The following CDKAL1 variants were observed in gnomAD, a reference collection of about 807,000 sequenced individuals.
CDKAL1 encodes CDKAL1 threonylcarbamoyladenosine tRNA methylthiotransferase.
CDKAL1 carries 32 observed loss-of-function variants against 68.2 expected under a neutral mutation model. The observed-to-expected ratio is 0.47, with a 90% CI of 0.35 to 0.63. CDKAL1 has a LOEUF of 0.63. CDKAL1 is among the 30% of genes least tolerant of loss of function. The pLI is 0.00. For synonymous variants in CDKAL1, 234 were observed against 244.3 expected, an observed-to-expected ratio of 0.96 and a Z score of 0.39; for missense variants, 606 against 696.7, an observed-to-expected ratio of 0.87 and a Z score of 1.47.
intron 13 of CDKAL1, among the ~76,000 whole-genome samples, chr6:21,158,060 A>C (rs1305364423): frequency 6.6e-6 from 1 of 152,220 alleles, no homozygotes; most frequent in Non-Finnish European, 1.5e-5. Flanking sequence ...TTAGGCCAAC[A>C]GACAAGTTAT....
intron 9 of CDKAL1, among the ~76,000 whole-genome samples, chr6:20,941,102 A>G (rs1763953854): frequency 6.6e-6 from 1 of 151,870 alleles, no homozygotes; most frequent in Admixed American, 6.6e-5. Flanking sequence ...AAAAGAAAAA[A>G]AAAAAAAAGC....
intron 11 of CDKAL1, among the ~76,000 whole-genome samples, chr6:21,008,587 T>C (rs1253277758): frequency 1.3e-5 from 2 of 152,190 alleles, no homozygotes; most frequent in Non-Finnish European, 2.9e-5. Context: ...ATTGCTTTCT[T>C]TTCCAAATTT....
chr6:20,620,689 C>T (rs954473746), intron 4 of CDKAL1, among the ~76,000 whole-genome samples: 2 of 151,728 alleles, frequency 1.3e-5, no homozygotes, highest in Non-Finnish European at 2.9e-5. Flanking sequence ...TGTCTAACAC[C>T]GAATTTTTTT....
intron 8 of CDKAL1, among the ~76,000 whole-genome samples, chr6:20,838,801 C>T (rs182778948): frequency 2.6e-5 from 4 of 151,936 alleles, no homozygotes; most frequent in Admixed American, 6.6e-5. Context: ...GGTGAAACCC[C>T]GTCTCTATTA....
At chr6:21,041,274 C>T (rs921893549) in intron 11 of CDKAL1, among the ~76,000 whole-genome samples, 1 of 152,052 alleles carries the variant, frequency 6.6e-6, no homozygotes, top group Admixed American at 6.5e-5. Context: ...GGTAACCTGC[C>T]GTTATGTTAG....
chr6:21,068,621 A>AC (rs1324362514), intron 12 of CDKAL1, among the ~76,000 whole-genome samples: 2 of 152,184 alleles, frequency 1.3e-5, no homozygotes, highest in Admixed American at 6.5e-5. Flanking sequence ...ACACAGGTTA[A>AC]CTACCATAGC....
chr6:21,096,562 A>G (rs1773326823), intron 12 of CDKAL1, among the ~76,000 whole-genome samples: 1 of 152,210 alleles, frequency 6.6e-6, no homozygotes, highest in South Asian at 2.1e-4. Context: ...CATTTATTTT[A>G]TCCAGTTGCA....
At chr6:20,876,370 C>T (rs951173695) in intron 9 of CDKAL1, among the ~76,000 whole-genome samples, 5 of 152,198 alleles carry the variant, frequency 3.3e-5, no homozygotes, top group African/African-American at 4.8e-5. Flanking sequence ...CTGCTTGCTG[C>T]TAACATGACA....
rs910603727 is a variant in CDKAL1, at chr6:20,743,570, A to G, written c.468+3955A>G. On this transcript the variant is annotated intron_variant, in intron 6 of 15. Coordinates refer to ENST00000274695, the MANE Select transcript of CDKAL1 (RefSeq NM_017774.3). ...GTAGGAATGGGGCATTTAGTTTAGT[A>G]ATCAGAACAAGGCAGTGTGGTGAGA... Among the ~76,000 whole-genome samples the G allele has an allele frequency of 8.5e-5, 13 of 152,192 alleles. 1 individual carries two copies. Among genetic ancestry groups the G allele is most frequent in the South Asian group, 6.2e-4 (3 of 4,828 alleles).
At chr6:20,850,730 C>T (rs1758962098) in intron 9 of CDKAL1, among the ~76,000 whole-genome samples, 2 of 152,032 alleles carry the variant, frequency 1.3e-5, no homozygotes, top group African/African-American at 4.8e-5. Context: ...GATTATGAGA[C>T]ATTTTATATT....
intron 9 of CDKAL1, among the ~76,000 whole-genome samples, chr6:20,890,005 C>T (rs1018077074): frequency 6.6e-6 from 1 of 152,096 alleles, no homozygotes; most frequent in African/African-American, 2.4e-5. Context: ...CCTCCTGCCT[C>T]GGCCCCCCAA....
chr6:20,684,628 T>C (rs1770535228), intron 5 of CDKAL1, among the ~76,000 whole-genome samples: 1 of 152,238 alleles, frequency 6.6e-6, no homozygotes, highest in Non-Finnish European at 1.5e-5. Context: ...TCATTTTGCA[T>C]TTGTATCCAC....
chr6:20,576,938 A>G (rs575758312), intron 4 of CDKAL1, among the ~76,000 whole-genome samples: 2 of 152,304 alleles, frequency 1.3e-5, no homozygotes, highest in South Asian at 4.1e-4. Context: ...TTTACTGTGT[A>G]TGTCTAAAAT....
intron 4 of CDKAL1, among the ~76,000 whole-genome samples, chr6:20,568,745 A>AAAC (rs1554152120): frequency 2.9e-5 from 3 of 102,910 alleles, no homozygotes; most frequent in African/African-American, 9.4e-5. Flanking sequence ...AAAAAAAAAA[A>AAAC]AAAAACAAAA....
At chr6:20,721,243 A>T (rs1409877822) in intron 5 of CDKAL1, among the ~76,000 whole-genome samples, 3 of 152,122 alleles carry the variant, frequency 2.0e-5, no homozygotes. Flanking sequence ...TAGTTTGCTA[A>T]GAATGATGGT....
At chr6:20,800,558 C>G (rs1776324703) in intron 8 of CDKAL1, 1 of 152,328 alleles carries the variant, frequency 6.6e-6, no homozygotes, top group Non-Finnish European at 1.5e-5. Context: ...CTTCTAAACT[C>G]TCATGCCCAG....
intron 9 of CDKAL1, among the ~76,000 whole-genome samples, chr6:20,908,011 G>C (rs1354870444): frequency 6.6e-6 from 1 of 152,178 alleles, no homozygotes; most frequent in Non-Finnish European, 1.5e-5. Flanking sequence ...CATTCAGAGA[G>C]CACTGGCTGC....
In CDKAL1 at chr6:20,534,501, A is replaced by C. The variant is rs762847250; in HGVS notation, c.-123A>C. The C allele has an allele frequency of 4.6e-5, 7 of 152,694 alleles. No individual in the cohort carries two copies. Among genetic ancestry groups the C allele is most frequent in the Admixed American group, 6.6e-5 (1 of 15,264 alleles). The allele number at this position is 152,694 out of a possible 1,614,324, so 9.5% of individuals were successfully genotyped here. A position where few individuals can be genotyped will look rare whatever the true frequency, so the allele number is the denominator to read the frequency against. The stretch of plus-strand genomic sequence containing the variant: ...TATGTGTCATGGCGCTCTCCATCTA[A>C]AGTCTGTGCAGCTTCCGGAGAGTGG... On this transcript the variant is annotated 5_prime_UTR_variant, in exon 1 of 16. The change abolishes the stop of an existing upstream ORF in the 5' untranslated region. Coordinates refer to ENST00000274695, the MANE Select transcript of CDKAL1 (RefSeq NM_017774.3).
intron 13 of CDKAL1, among the ~76,000 whole-genome samples, chr6:21,115,205 A>G (rs1358074138): frequency 6.6e-6 from 1 of 152,222 alleles, no homozygotes; most frequent in East Asian, 1.9e-4. Flanking sequence ...TACAAAAGTC[A>G]CTTCACCCAG....
Sources: allele counts gnomAD v4.1 joint callset (sites outside exome capture counted in the v4.1 genomes callset), GRCh38; gene constraint gnomAD v4.1.1; transcripts MANE v1.5; gene names NCBI Gene and HGNC (gene_info 2026-07-23, HGNC 2026-07-21).